MUSK: variants seen among roughly 807,000 people sequenced by gnomAD.
MUSK encodes the protein muscle associated receptor tyrosine kinase.
In MUSK, 55 loss-of-function variants were observed where a neutral mutation model predicts 88.7. The observed-to-expected ratio is 0.62, with a 90% CI of 0.50 to 0.78. The LOEUF (loss-of-function observed/expected upper bound fraction) is 0.78, where lower values mean the gene tolerates loss of function less well. Ranked by LOEUF, MUSK falls within the 30% of genes least tolerant of loss-of-function variation. The pLI, the probability that MUSK is intolerant of heterozygous loss-of-function variation, is 0.00. For synonymous variants in MUSK, 387 were observed against 391.9 expected, an observed-to-expected ratio of 0.99 and a Z score of 0.15; for missense variants, 1,015 against 1,074.3, an observed-to-expected ratio of 0.94 and a Z score of 0.77.
chr9:110,685,094 C>A (rs2076179444), intron 2 of MUSK, among the ~76,000 whole-genome samples: 1 of 152,002 alleles, frequency 6.6e-6, no homozygotes, highest in Admixed American at 6.6e-5. Flanking sequence ...ATACTACTAG[C>A]TGTGGGTCTG....
chr9:110,760,832 T>C (rs989370151), intron 7 of MUSK, among the ~76,000 whole-genome samples: 11 of 152,088 alleles, frequency 7.2e-5, no homozygotes, highest in Admixed American at 7.2e-4. Flanking sequence ...CCCTCACCAA[T>C]CTCAAAGAGA....
chr9:110,693,566 T>C (rs1194287908), intron 3 of MUSK, among the ~76,000 whole-genome samples: 3 of 152,230 alleles, frequency 2.0e-5, no homozygotes, highest in Admixed American at 6.5e-5. Context: ...TGGTCAGTAC[T>C]TATGACTCCA....
intron 14 of MUSK, chr9:110,788,092 A>G (rs988997094): frequency 2.2e-6 from 1 of 444,912 alleles, no homozygotes; most frequent in Admixed American, 3.9e-5. Flanking sequence ...AATGTTTAAA[A>G]TGTCCCCATT....
At chr9:110,681,195 A>G (rs1421677025) in intron 1 of MUSK, among the ~76,000 whole-genome samples, 1 of 117,534 alleles carries the variant, frequency 8.5e-6, no homozygotes, top group African/African-American at 3.1e-5. Flanking sequence ...AACAATCCTT[A>G]TAATATATAT....
At chr9:110,790,460 A>G (rs1010610665) in intron 14 of MUSK, among the ~76,000 whole-genome samples, 1 of 152,236 alleles carries the variant, frequency 6.6e-6, no homozygotes. Context: ...CCGTAAAGAG[A>G]AAAATTGATG....
intron 5 of MUSK, among the ~76,000 whole-genome samples, chr9:110,701,690 C>T (rs11506887): frequency 0.47 from 2,785 of 5,972 alleles, 1,196 homozygotes; most frequent in East Asian, 0.92. Flanking sequence ...TTTTACTTTA[C>T]TTTATTTTAT....
rs1199487699 is a variant in MUSK at position 110,736,260 on chromosome 9, T to C, written c.753+1885T>C. Among the ~76,000 whole-genome samples, 6 of 152,248 alleles carry C rather than the reference T, an allele frequency of 3.9e-5. No homozygotes were observed. In the East Asian group the frequency reaches 9.7e-4, roughly 25 times the overall value. On this transcript the variant is annotated intron_variant, in intron 6 of 14. Coordinates refer to ENST00000374448, the MANE Select transcript of MUSK (RefSeq NM_005592.4). ...AAATTTCACATGTACCCCATAAATA[T>C]GTACAACTATTATATATCCATAAAA...
At chr9:110,775,534 G>A (rs1256354236) in intron 9 of MUSK, 1 of 478,954 alleles carries the variant, frequency 2.1e-6, no homozygotes. Flanking sequence ...TTTTAAATTT[G>A]ACGTTTTTTT....
chr9:110,711,087 C>T (rs777257686), intron 5 of MUSK, among the ~76,000 whole-genome samples: 13 of 151,768 alleles, frequency 8.6e-5, no homozygotes, highest in Admixed American at 3.3e-4. Context: ...CATCACACAC[C>T]GGAGCCTGTT....
rs1003997177 is a variant in MUSK at position 110,790,628 on chromosome 9, G to A, written c.1927+2790G>A. ...AGATTGTAGCCAGTCTCTTCTGATT[G>A]ATTTAGTTTTCTCTGTGAGGTAGGA... On this transcript the variant is annotated intron_variant, in intron 14 of 14. Transcript: ENST00000374448. 3.3e-5 allele frequency among the ~76,000 whole-genome samples: 5 copies of A among 152,278 alleles called. No individual in the cohort carries two copies. In the South Asian group the frequency reaches 1.0e-3, roughly 32 times the overall value.
In MUSK at chr9:110,695,481, G is replaced by T. The variant is rs2076419437; in HGVS notation, c.437G>T (p.Gly146Val). ...GCAGTCCTACCATGTACTACAATGG[G>T]TAATCCCAAACCATCAGTGTCTTGG... The part of the protein sequence containing the change: ...LKAVLPCTTM[G>V]NPKPSVSWIK... Residue 146 changes from glycine (G) to valine (V), a missense_variant, in exon 4 of 15, where the codon GGT (glycine) becomes GTT (valine). By Grantham distance (109) the Gly-to-Val change is moderately radical. Coordinates refer to ENST00000374448, the MANE Select transcript of MUSK (RefSeq NM_005592.4). 1 of 1,565,374 alleles carries T rather than the reference G, an allele frequency of 6.4e-7. No homozygotes were observed. The highest frequency in any genetic ancestry group is 8.7e-7 in the Non-Finnish European group (1 of 1,151,472).
Position 110,787,597 on chromosome 9 carries a change from A to G in MUSK, c.1779-93A>G, listed in dbSNP as rs1349188583. On this transcript the variant is annotated intron_variant, in intron 13 of 14. Coordinates refer to ENST00000374448, the MANE Select transcript of MUSK (RefSeq NM_005592.4). ...GTGAGACTTAACCAGCCTTTTACAC[A>G]GGGGAGGTGGGAGGATATGTATAAA... 1.0e-4 allele frequency: 130 copies of G among 1,292,928 alleles called. No individual in the cohort carries two copies. In the East Asian group the frequency reaches 3.1e-3, roughly 31 times the overall value. 80.1% of individuals were successfully genotyped at this position (1,292,928 alleles called of 1,614,324 possible). A position where few individuals can be genotyped will look rare whatever the true frequency, so the allele number is the denominator to read the frequency against.
chr9:110,710,891 T>A (rs556753365), intron 5 of MUSK, among the ~76,000 whole-genome samples: 1 of 152,274 alleles, frequency 6.6e-6, no homozygotes, highest in Non-Finnish European at 1.5e-5. Context: ...AAATCCCAAG[T>A]GAGAAATCAC....
Position 110,765,226 on chromosome 9 carries a change from G to A in MUSK, c.921-2594G>A, listed in dbSNP as rs146971971. Among the ~76,000 whole-genome samples, 512 of 152,178 alleles carry A rather than the reference G, an allele frequency of 3.4e-3. 4 individuals carry two copies. Among genetic ancestry groups the A allele is most frequent in the African/African-American group, 0.011 (459 of 41,520 alleles). Reference sequence around the variant, plus strand: ...AACCTGAATGAATAATTCTCAGCTCGGAGACACTGAGAAATATTTAATTTT... The same window carrying A: ...AACCTGAATGAATAATTCTCAGCTCAGAGACACTGAGAAATATTTAATTTT... On this transcript the variant is annotated intron_variant, in intron 8 of 14. Transcript: ENST00000374448.
intron 2 of MUSK, among the ~76,000 whole-genome samples, chr9:110,683,626 A>C (rs1361367690): frequency 6.6e-6 from 1 of 152,082 alleles, no homozygotes; most frequent in Non-Finnish European, 1.5e-5. Flanking sequence ...CCTTATCTAC[A>C]CATCCTTGCG....
rs1427738491 is a variant in MUSK at position 110,803,889 on chromosome 9, C to G, written c.*2901C>G. Among the ~76,000 whole-genome samples the G allele has an allele frequency of 6.6e-6, 1 of 152,042 alleles. No homozygotes were observed. Among genetic ancestry groups the G allele is most frequent in the Non-Finnish European group, 1.5e-5 (1 of 67,996 alleles). On this transcript the variant is annotated 3_prime_UTR_variant, in exon 15 of 15. Coordinates refer to ENST00000374448, the MANE Select transcript of MUSK (RefSeq NM_005592.4). ...TTCAAAAAGGTAGACAAAAGAGAGA[C>G]ACTCACAGTGTCACTGTTACCAAGT...
intron 1 of MUSK, among the ~76,000 whole-genome samples, chr9:110,674,719 C>A (rs1344287427): frequency 6.6e-6 from 1 of 152,068 alleles, no homozygotes; most frequent in Non-Finnish European, 1.5e-5. Context: ...GTTGATCCTC[C>A]CACCTCAGCT....
intron 1 of MUSK, among the ~76,000 whole-genome samples, chr9:110,672,452 G>C (rs1345249134): frequency 6.6e-6 from 1 of 152,122 alleles, no homozygotes; most frequent in African/African-American, 2.4e-5. Context: ...TGTGAACATA[G>C]GGTAGGGAGG....
At chr9:110,772,585 A>G (rs1272741006) in intron 9 of MUSK, among the ~76,000 whole-genome samples, 1 of 151,994 alleles carries the variant, frequency 6.6e-6, no homozygotes, top group African/African-American at 2.4e-5. Context: ...AAAAATTGGC[A>G]TTTATAAAGA....
Sources: gnomAD v4.1 joint callset for allele counts (sites outside exome capture counted in the v4.1 genomes callset) on GRCh38, gnomAD v4.1.1 for gene constraint, MANE v1.5 for transcripts, NCBI Gene and HGNC (gene_info 2026-07-23, HGNC 2026-07-21) for gene names.